ZRANB3: variants seen among roughly 807,000 people sequenced by gnomAD.
ZRANB3 encodes zinc finger RANBP2-type containing 3.
ZRANB3 carries 125 observed loss-of-function variants against 133.8 expected under a neutral mutation model. The ratio of observed to expected loss-of-function variants is 0.93; its 90% CI spans 0.81 to 1.08. ZRANB3 has a LOEUF of 1.08. ZRANB3 is among the 50% of genes least tolerant of loss of function. The pLI, the probability that ZRANB3 is intolerant of heterozygous loss-of-function variation, is 0.00. For missense variants in ZRANB3, 1,229 were observed against 1,275.5 expected (o/e 0.96, Z 0.56); for synonymous variants, 387 against 432.7 (o/e 0.89, Z 1.31).
chr2:135,459,428 A>T (rs934833513), intron 2 of ZRANB3, among the ~76,000 whole-genome samples: 2 of 152,214 alleles, frequency 1.3e-5, no homozygotes, highest in African/African-American at 4.8e-5. Flanking sequence ...AGGAAGAAGC[A>T]TACCATGCCC....
intron 9 of ZRANB3, among the ~76,000 whole-genome samples, chr2:135,273,998 CCAAT>C (rs1166642458): frequency 6.6e-6 from 1 of 151,938 alleles, no homozygotes; most frequent in Admixed American, 6.6e-5. Flanking sequence ...AATTTCTTGC[CCAAT>C]CATTTAAAAA....
intron 3 of ZRANB3, among the ~76,000 whole-genome samples, chr2:135,370,033 C>CTTT (rs548070677): frequency 8.4e-6 from 1 of 119,368 alleles, no homozygotes; most frequent in Non-Finnish European, 1.9e-5. Flanking sequence ...GGGCATGTTT[C>CTTT]TTTTTTTTTT....
chr2:135,237,509 T>C (rs7609517), intron 12 of ZRANB3, among the ~76,000 whole-genome samples: 69,085 of 148,396 alleles, frequency 0.47, 19,691 homozygotes, highest in African/African-American at 0.74. Context: ...TATTGCGGCA[T>C]TATTCACAAT....
intron 12 of ZRANB3, among the ~76,000 whole-genome samples, chr2:135,234,326 C>T (rs141928185): frequency 0.098 from 14,960 of 152,160 alleles, 1,106 homozygotes; most frequent in Middle Eastern, 0.33. Context: ...GAGACTTAGT[C>T]TCCCACACAA....
At chr2:135,265,072 T>G (rs1250283099) in intron 12 of ZRANB3, among the ~76,000 whole-genome samples, 1 of 152,188 alleles carries the variant, frequency 6.6e-6, no homozygotes, top group African/African-American at 2.4e-5. Flanking sequence ...TCTGTTGACT[T>G]GTTTATGCTT....
At chr2:135,423,082 T>C (rs2104971664) in intron 2 of ZRANB3, among the ~76,000 whole-genome samples, 1 of 152,318 alleles carries the variant, frequency 6.6e-6, no homozygotes, top group African/African-American at 2.4e-5. Flanking sequence ...AGGCACATCA[T>C]TCTAATCTCT....
intron 16 of ZRANB3, 134 bp from the exon 17 acceptor site, chr2:135,217,741 A>C: frequency 9.5e-7 from 1 of 1,054,736 alleles, no homozygotes; most frequent in Non-Finnish European, 1.3e-6. Context: ...TCCATAACCT[A>C]AGGCTTTCTT....
chr2:135,346,904 C>T (rs1289651136), intron 5 of ZRANB3, among the ~76,000 whole-genome samples: 1 of 152,020 alleles, frequency 6.6e-6, no homozygotes, highest in African/African-American at 2.4e-5. Context: ...TTTTTATCAC[C>T]CCCCAAAAAA....
At chr2:135,340,116 T>A (rs1193397427) in intron 6 of ZRANB3, among the ~76,000 whole-genome samples, 1 of 151,158 alleles carries the variant, frequency 6.6e-6, no homozygotes, top group Non-Finnish European at 1.5e-5. Context: ...TTTTTTTTTT[T>A]TTTTTTAAGA....
At chr2:135,504,576 T>C (rs1693091843) in intron 1 of ZRANB3, 80 bp from the exon 2 acceptor site, 2 of 1,252,356 alleles carry the variant, frequency 1.6e-6, no homozygotes, top group African/African-American at 3.0e-5. Flanking sequence ...CACATATAAA[T>C]AATATTAAAG....
chr2:135,317,189 T>C (rs549839390), intron 6 of ZRANB3, among the ~76,000 whole-genome samples: 84 of 152,196 alleles, frequency 5.5e-4, no homozygotes, highest in Middle Eastern at 6.8e-3. Context: ...TTGCTGAAAC[T>C]TGTTCATTAA....
At chr2:135,487,206 C>G (rs777442042) in intron 2 of ZRANB3, among the ~76,000 whole-genome samples, 1 of 152,120 alleles carries the variant, frequency 6.6e-6, no homozygotes, top group Non-Finnish European at 1.5e-5. Flanking sequence ...TCTTTTTTCT[C>G]AGCAGTAGGT....
In ZRANB3 at chr2:135,218,936, T is replaced by C. The variant is rs1187773425; in HGVS notation, c.2352+141A>G. Reference sequence around the variant, plus strand: ...GGTAATTAATAGGCACCACCTAGAATGATGAAAATGCAACCAGTGATTTGA... The same window carrying C: ...GGTAATTAATAGGCACCACCTAGAACGATGAAAATGCAACCAGTGATTTGA... On this transcript the variant is annotated intron_variant, in intron 16 of 20. Transcript: ENST00000264159. 5 of 561,110 alleles carry C rather than the reference T, an allele frequency of 8.9e-6. No homozygotes were observed. In the African/African-American group the frequency reaches 9.8e-5, roughly 11 times the overall value. 34.8% of individuals were successfully genotyped at this position (561,110 alleles called of 1,614,324 possible).
intron 1 of ZRANB3, among the ~76,000 whole-genome samples, chr2:135,522,444 G>T (rs2104844220): frequency 6.6e-6 from 1 of 152,214 alleles, no homozygotes; most frequent in East Asian, 1.9e-4. Flanking sequence ...GTACCCGCCG[G>T]GTGGTGTGGG....
At chr2:135,401,489 T>TG (rs1168441423) in intron 2 of ZRANB3, among the ~76,000 whole-genome samples, 1 of 152,136 alleles carries the variant, frequency 6.6e-6, no homozygotes, top group Non-Finnish European at 1.5e-5. Context: ...ACCCTGTCGG[T>TG]GGGGGGCCTG....
intron 3 of ZRANB3, among the ~76,000 whole-genome samples, chr2:135,370,083 T>C (rs1166804619): frequency 1.3e-5 from 2 of 149,506 alleles, no homozygotes; most frequent in Non-Finnish European, 3.0e-5. Context: ...TCTATACACA[T>C]ACAGATAAAT....
intron 20 of ZRANB3, 148 bp downstream of exon 20, chr2:135,202,684 G>T: frequency 1.1e-6 from 1 of 947,800 alleles, no homozygotes; most frequent in Non-Finnish European, 1.5e-6. Flanking sequence ...TGAGAGGAAA[G>T]GCAAGTGTTG....
At chr2:135,451,828 G>A (rs547438023) in intron 2 of ZRANB3, among the ~76,000 whole-genome samples, 4 of 152,092 alleles carry the variant, frequency 2.6e-5, no homozygotes, top group African/African-American at 9.7e-5. Flanking sequence ...GATATGTGAC[G>A]CACAAAAAAT....
intron 2 of ZRANB3, among the ~76,000 whole-genome samples, chr2:135,402,343 G>A (rs1687771860): frequency 6.8e-6 from 1 of 146,854 alleles, no homozygotes; most frequent in Non-Finnish European, 1.5e-5. Context: ...TGCCCGGGCT[G>A]CAGTGCAGTG....
Sources: allele counts gnomAD v4.1 joint callset (sites outside exome capture counted in the v4.1 genomes callset), GRCh38; gene constraint gnomAD v4.1.1; transcripts MANE v1.5; gene names NCBI Gene and HGNC (gene_info 2026-07-23, HGNC 2026-07-21).